Variants in PEX3 observed in about 807,000 individuals in gnomAD.
PEX3 encodes the protein peroxin-3.
Under a neutral mutation model 55.8 loss-of-function variants are expected in PEX3, and 30 were observed. That is an observed-to-expected ratio of 0.54 (90% CI 0.40 to 0.73). The LOEUF (loss-of-function observed/expected upper bound fraction) is 0.73. Ranked by LOEUF, PEX3 falls within the 30% of genes least tolerant of loss-of-function variation. PEX3 has a pLI of 0.00. For missense variants in PEX3, 351 were observed against 432.8 expected, an observed-to-expected ratio of 0.81 and a Z score of 1.68; for synonymous variants, 135 against 148.4, an observed-to-expected ratio of 0.91 and a Z score of 0.66.
rs542026772 is a variant in PEX3 at position 143,458,743 on chromosome 6, C to T, written c.74-342C>T. Among the ~76,000 whole-genome samples, 18 of 152,230 alleles carry T rather than the reference C, an allele frequency of 1.2e-4. No homozygotes were observed. In the East Asian group the frequency reaches 3.3e-3, roughly 28 times the overall value. ...GGTTTTTAATAACTACATAAGATTT[C>T]GTTGTATGGCTAGACTATCATTTAT... On this transcript the variant is annotated intron_variant, in intron 1 of 11. Transcript: ENST00000367591. The surrounding 1 kb of genome is among the most constrained non-coding windows in gnomAD (Gnocchi z 6.1).
chr6:143,487,751 T>A lies in PEX3; in HGVS notation c.1039-1392T>A, dbSNP rs1246152587. Among the ~76,000 whole-genome samples, 3 of 152,072 alleles carry A rather than the reference T, an allele frequency of 2.0e-5. No individual in the cohort carries two copies. Among genetic ancestry groups the A allele is most frequent in the Non-Finnish European group, 2.9e-5 (2 of 67,982 alleles). ...TATTTTTTTTTTTATCTACTGTAAC[T>A]ATTCTGAAAGCTTCATTTGTATCAT... On this transcript the variant is annotated intron_variant, in intron 11 of 11. Transcript: ENST00000367591. The surrounding 1 kb of genome is among the most constrained non-coding windows in gnomAD (Gnocchi z 5.3).
chr6:143,489,077 G>A lies in PEX3; in HGVS notation c.1039-66G>A. 9.4e-7 allele frequency: 1 copy of A among 1,059,464 alleles called. No individual in the cohort carries two copies. Among genetic ancestry groups the A allele is most frequent in the Non-Finnish European group, 1.5e-6 (1 of 677,144 alleles). The allele number at this position is 1,059,464 out of a possible 1,614,324, so 65.6% of individuals were successfully genotyped here. A position where few individuals can be genotyped will look rare whatever the true frequency, so the allele number is the denominator to read the frequency against. On this transcript the variant is annotated intron_variant, in intron 11 of 11. Transcript: ENST00000367591. The surrounding 1 kb of genome is among the most constrained non-coding windows in gnomAD (Gnocchi z 5.5). ...TTAGAGCTGAATTCATCGCTTGATT[G>A]CAGAAATTAATTCAAATTAGCTATA...
At chr6:143,461,169 G>A (rs1417076619) in intron 2 of PEX3, among the ~76,000 whole-genome samples, 1 of 152,128 alleles carries the variant, frequency 6.6e-6, no homozygotes, top group Non-Finnish European at 1.5e-5. Context: ...GAAAGCATTG[G>A]GAGACCATGA....
rs1280539215 is a variant in PEX3, at chr6:143,463,166, A to G, written c.287+169A>G. ...ATTTAACCTACATTTAATTTTGTCT[A>G]TGCTCTACTTTTTTGCATAAAGCAT... On this transcript the variant is annotated intron_variant, in intron 3 of 11. Coordinates refer to ENST00000367591, the MANE Select transcript of PEX3 (RefSeq NM_003630.3). This position sits in a 1 kb window ranked among gnomAD's most constrained non-coding sequence, Gnocchi z 5.7. Among the ~76,000 whole-genome samples, 2 of 152,196 alleles carry G rather than the reference A, an allele frequency of 1.3e-5. No individual in the cohort carries two copies. The highest frequency in any genetic ancestry group is 4.8e-5 in the African/African-American group (2 of 41,448).
intron 1 of PEX3, among the ~76,000 whole-genome samples, chr6:143,455,359 ATTTTTTTTTTTTTTT>A (rs56788350): frequency 2.8e-5 from 2 of 71,968 alleles, no homozygotes; most frequent in Non-Finnish European, 2.7e-5. Flanking sequence ...CGCCCGGCTA[ATTTTTTTTTTTTTTT>A]TTTTTTTTTT....
rs1487940324 is a variant in PEX3, at chr6:143,486,235, GTTA to G, written c.1038+988_1038+990del. Reference sequence around the variant, plus strand: ...TAAGACTGATCTCATTTTACTGAATGTTAAGCTTCACATCTATATCAATGTGAG... The same window carrying G: ...TAAGACTGATCTCATTTTACTGAATGAGCTTCACATCTATATCAATGTGAG... On this transcript the variant is annotated intron_variant, in intron 11 of 11. Transcript: ENST00000367591. This position sits in a 1 kb window ranked among gnomAD's most constrained non-coding sequence, Gnocchi z 5.0. Among the ~76,000 whole-genome samples, 2 of 152,068 alleles carry G rather than the reference GTTA, an allele frequency of 1.3e-5. No homozygotes were observed. Among genetic ancestry groups the G allele is most frequent in the Non-Finnish European group, 2.9e-5 (2 of 67,998 alleles).
At chr6:143,457,121 A>G (rs1779857941) in intron 1 of PEX3, among the ~76,000 whole-genome samples, 1 of 152,242 alleles carries the variant, frequency 6.6e-6, no homozygotes, top group Non-Finnish European at 1.5e-5. Context: ...TGTTGATTTT[A>G]CAGTATAATT....
At position 143,459,073 on chromosome 6, in the gene PEX3, T is replaced by C. The variant is rs758791557; in HGVS notation, c.74-12T>C. ...TACTCTAATGAATATAGTACTTTTT[T>C]AATGATTGTAGGAGTATATATTCTG... On this transcript the variant is annotated splice_polypyrimidine_tract_variant and intron_variant, in intron 1 of 11. Transcript: ENST00000367591. This position sits in a 1 kb window ranked among gnomAD's most constrained non-coding sequence, Gnocchi z 4.2. 3.9e-6 allele frequency: 6 copies of C among 1,556,728 alleles called. No homozygotes were observed. The highest frequency in any genetic ancestry group is 1.7e-5 in the Admixed American group (1 of 59,860).
rs1447280466 is a variant in PEX3 at position 143,464,749 on chromosome 6, A to G, written c.287+1752A>G. 6.6e-6 allele frequency among the ~76,000 whole-genome samples: 1 copy of G among 151,890 alleles called. No homozygotes were observed. The highest frequency in any genetic ancestry group is 1.5e-5 in the Non-Finnish European group (1 of 67,836). On this transcript the variant is annotated intron_variant, in intron 3 of 11. Transcript: ENST00000367591. This position sits in a 1 kb window ranked among gnomAD's most constrained non-coding sequence, Gnocchi z 5.8. Reference sequence around the variant, plus strand: ...TAATATCCATTTGAAAAATATTTGCATAAATAAGGGCTTGATCCCTTACAA... The same window carrying G: ...TAATATCCATTTGAAAAATATTTGCGTAAATAAGGGCTTGATCCCTTACAA...
At position 143,474,985 on chromosome 6, in the gene PEX3, C is replaced by T. The variant is rs73780414; in HGVS notation, c.818+129C>T. 404 of 554,294 alleles carry T rather than the reference C, an allele frequency of 7.3e-4. 2 individuals are homozygous for T. Among genetic ancestry groups the T allele is most frequent in the African/African-American group, 6.3e-3 (331 of 52,156 alleles). 34.3% of individuals were successfully genotyped at this position (554,294 alleles called of 1,614,324 possible). A position where few individuals can be genotyped will look rare whatever the true frequency, so the allele number is the denominator to read the frequency against. On this transcript the variant is annotated intron_variant, in intron 9 of 11. Transcript: ENST00000367591. ...TAAAATTAAATTTTTGACTCTGTTC[C>T]CCAGCCTTTAGATAAGATTTCCTAC...
chr6:143,489,059 T>A lies in PEX3; in HGVS notation c.1039-84T>A. On this transcript the variant is annotated intron_variant, in intron 11 of 11. Transcript: ENST00000367591. The surrounding 1 kb of genome is among the most constrained non-coding windows in gnomAD (Gnocchi z 5.5). ...TGGCCTTTACCACAAAACTTAGAGC[T>A]GAATTCATCGCTTGATTGCAGAAAT... 1.1e-6 allele frequency: 1 copy of A among 920,012 alleles called. No individual in the cohort carries two copies. Among genetic ancestry groups the A allele is most frequent in the Non-Finnish European group, 1.8e-6 (1 of 553,258 alleles). The allele number at this position is 920,012 out of a possible 1,614,324, so 57.0% of individuals were successfully genotyped here.
chr6:143,482,042 C>T lies in PEX3; in HGVS notation c.941+2844C>T, dbSNP rs1223774639. On this transcript the variant is annotated intron_variant, in intron 10 of 11. Coordinates refer to ENST00000367591, the MANE Select transcript of PEX3 (RefSeq NM_003630.3). The surrounding 1 kb of genome is among the most constrained non-coding windows in gnomAD (Gnocchi z 5.5). ...TTAATAGTAAAACTGGAATGATTTC[C>T]ATTAAGTTCAAAAACAGTATAAAGA... Among the ~76,000 whole-genome samples, 1 of 151,938 alleles carries T rather than the reference C, an allele frequency of 6.6e-6. No homozygotes were observed. Among genetic ancestry groups the T allele is most frequent in the Non-Finnish European group, 1.5e-5 (1 of 67,988 alleles).
At chr6:143,467,052 C>T (rs1352678037) in intron 3 of PEX3, among the ~76,000 whole-genome samples, 1 of 151,912 alleles carries the variant, frequency 6.6e-6, no homozygotes, top group Non-Finnish European at 1.5e-5. Flanking sequence ...AGAAACTGTG[C>T]TAAATTACTT....
chr6:143,472,242 T>C lies in PEX3; in HGVS notation c.661T>C (p.Ser221Pro). Reference protein sequence around the residue: ...EIRNLVEQHKSSSWINKDGSK... With the variant: ...EIRNLVEQHKPSSWINKDGSK... ...CAGAAATCTCGTTGAGCAGCATAAG[T>C]CTTCTTCTTGGATTAATAAAGATGG... is the stretch of plus-strand genomic sequence containing the variant. The change falls in exon 8 of 12, where the codon TCT becomes CCT. Residue 221 changes from serine to proline, a missense_variant. By Grantham distance (74) the Ser-to-Pro change is moderately conservative. Coordinates refer to ENST00000367591, the MANE Select transcript of PEX3 (RefSeq NM_003630.3). 6.2e-7 allele frequency: 1 copy of C among 1,607,438 alleles called. No homozygotes were observed.
At chr6:143,452,405 T>G (rs1779786086) in intron 1 of PEX3, among the ~76,000 whole-genome samples, 1 of 152,166 alleles carries the variant, frequency 6.6e-6, no homozygotes, top group South Asian at 2.1e-4. Flanking sequence ...AAGCTAAAAA[T>G]ATATGTGTGA....
rs148754262 is a variant in PEX3 at position 143,458,871 on chromosome 6, G to T, written c.74-214G>T. Among the ~76,000 whole-genome samples, 279 of 152,184 alleles carry T rather than the reference G, an allele frequency of 1.8e-3. 1 individual carries two copies. Among genetic ancestry groups the T allele is most frequent in the African/African-American group, 5.7e-3 (235 of 41,508 alleles). On this transcript the variant is annotated intron_variant, in intron 1 of 11. Transcript: ENST00000367591. The surrounding 1 kb of genome is among the most constrained non-coding windows in gnomAD (Gnocchi z 6.1). ...AATTCCTTTCCCTTCCTCAAACCTG[G>T]TCCTTATGTGCCCATCATTTCCTCT...
intron 1 of PEX3, among the ~76,000 whole-genome samples, chr6:143,457,632 G>T (rs1779865274): frequency 6.6e-6 from 1 of 152,178 alleles, no homozygotes; most frequent in Non-Finnish European, 1.5e-5. Context: ...AGTAGATACT[G>T]GGGGTCACAG....
chr6:143,452,503 C>T (rs17072618), intron 1 of PEX3, among the ~76,000 whole-genome samples: 5,683 of 152,156 alleles, frequency 0.037, 351 homozygotes, highest in African/African-American at 0.13. Flanking sequence ...ACTCCTTCAG[C>T]TTATGGAACA....
chr6:143,459,553 A>G lies in PEX3; in HGVS notation c.205+337A>G, dbSNP rs1243427439. Among the ~76,000 whole-genome samples, 2 of 152,362 alleles carry G rather than the reference A, an allele frequency of 1.3e-5. No individual in the cohort carries two copies. The highest frequency in any genetic ancestry group is 3.9e-4 in the East Asian group (2 of 5,194). On this transcript the variant is annotated intron_variant, in intron 2 of 11. Transcript: ENST00000367591. This position sits in a 1 kb window ranked among gnomAD's most constrained non-coding sequence, Gnocchi z 4.2. The stretch of plus-strand genomic sequence containing the variant: ...AACTTTAGGCAGTGATGGCTGCCAT[A>G]TGGAACATAAAGCCATGTGAGGGCT...
Sources: gnomAD v4.1 joint callset for allele counts (sites outside exome capture counted in the v4.1 genomes callset) on GRCh38, gnomAD v4.1.1 for gene constraint, Gnocchi (gnomAD v3.1) non-coding constraint, MANE v1.5 for transcripts, NCBI Gene and HGNC (gene_info 2026-07-23, HGNC 2026-07-21) for gene names.